FMN1: variants seen among roughly 807,000 people sequenced by gnomAD.
FMN1 encodes formin 1, also known as formin-1.
A neutral mutation model predicts 132.4 loss-of-function variants in FMN1; 110 were observed. That is an observed-to-expected ratio of 0.83 (90% confidence interval 0.71 to 0.97). FMN1 has a LOEUF of 0.97. Ranked by LOEUF, FMN1 falls within the 50% of genes least tolerant of loss-of-function variation. The pLI is 0.00. For missense variants in FMN1, 1,792 were observed against 1,705.3 expected (o/e 1.05, Z -0.90); for synonymous variants, 722 against 651.7 (o/e 1.11, Z -1.64).
At chr15:32,993,109 C>T (rs1286411478) in intron 7 of FMN1, among the ~76,000 whole-genome samples, 1 of 152,070 alleles carries the variant, frequency 6.6e-6, no homozygotes, top group Non-Finnish European at 1.5e-5. Flanking sequence ...GCTGCAGTCT[C>T]TTAACACCTG....
chr15:32,846,804 C>T (rs893953538), intron 17 of FMN1, among the ~76,000 whole-genome samples: 4 of 152,152 alleles, frequency 2.6e-5, no homozygotes, highest in African/African-American at 9.7e-5. Context: ...GACTTGGAAC[C>T]AACCCAAATG....
intron 6 of FMN1, among the ~76,000 whole-genome samples, chr15:33,019,635 G>A (rs2035305900): frequency 1.3e-5 from 2 of 152,202 alleles, no homozygotes; most frequent in South Asian, 4.1e-4. Context: ...CAAGGAGGCA[G>A]CTAAGCCCCG....
At chr15:33,176,751 G>T (rs1965529077) in intron 3 of FMN1, among the ~76,000 whole-genome samples, 1 of 152,124 alleles carries the variant, frequency 6.6e-6, no homozygotes, top group Admixed American at 6.5e-5. Flanking sequence ...GCCTTCACAG[G>T]AAGATTATCA....
intron 6 of FMN1, among the ~76,000 whole-genome samples, chr15:33,017,384 G>A (rs1344122313): frequency 6.6e-6 from 1 of 150,564 alleles, no homozygotes; most frequent in Admixed American, 6.7e-5. Context: ...AATACTAAGG[G>A]AAAGTGTGGT....
rs1342173768 is a variant in FMN1 at position 32,765,840 on chromosome 15, A to G, written c.*8470T>C. 1 of 152,184 alleles carries G rather than the reference A, an allele frequency of 6.6e-6. No individual in the cohort carries two copies. The highest frequency in any genetic ancestry group is 2.4e-5 in the African/African-American group (1 of 41,446). The allele number at this position is 152,184 out of a possible 1,614,324, so 9.4% of individuals were successfully genotyped here. A position where few individuals can be genotyped will look rare whatever the true frequency, so the allele number is the denominator to read the frequency against. On this transcript the variant is annotated 3_prime_UTR_variant, in exon 21 of 21. Coordinates refer to ENST00000616417, the MANE Select transcript of FMN1 (RefSeq NM_001277313.2). ...CACACATTTTTATTATGTACAAATCAGTGTTGGTTCCTTCACTCTCTTTTT... is the reference window on the plus strand; with the variant it reads ...CACACATTTTTATTATGTACAAATCGGTGTTGGTTCCTTCACTCTCTTTTT...
chr15:32,901,787 A>T, intron 13 of FMN1, 124 bp downstream of exon 13: 1 of 681,636 alleles, frequency 1.5e-6, no homozygotes, highest in South Asian at 3.8e-5. Flanking sequence ...CATCAAATTT[A>T]CACTTAGAAA....
chr15:32,947,827 A>G (rs925306388), intron 9 of FMN1, among the ~76,000 whole-genome samples: 3 of 152,062 alleles, frequency 2.0e-5, no homozygotes, highest in South Asian at 2.1e-4. Flanking sequence ...TACTGATCTC[A>G]TATCTACTAG....
At chr15:33,066,736 A>T (rs1450884211) in intron 5 of FMN1, 1 of 1,613,918 alleles carries the variant, frequency 6.2e-7, no homozygotes, top group African/African-American at 1.3e-5. Context: ...GTGGTACTCC[A>T]GGGCCGCTCT....
Position 33,066,908 on chromosome 15 carries a change from A to G in FMN1, c.2044-1834T>C, listed in dbSNP as rs2037757472. The stretch of plus-strand genomic sequence containing the variant: ...ATCAGTTGCTTTCTTCTCACTCTTC[A>G]CTGTCTGCAGCCCTGCCTGCACTAA... On this transcript the variant is annotated intron_variant, in intron 5 of 20. Transcript: ENST00000616417. 6 of 1,613,726 alleles carry G rather than the reference A, an allele frequency of 3.7e-6. No individual in the cohort carries two copies. Among genetic ancestry groups the G allele is most frequent in the Non-Finnish European group, 5.1e-6 (6 of 1,179,852 alleles).
chr15:33,048,325 G>A (rs1006257500), intron 6 of FMN1, among the ~76,000 whole-genome samples: 27 of 152,016 alleles, frequency 1.8e-4, no homozygotes, highest in Admixed American at 9.2e-4. Flanking sequence ...AAAGAAATGA[G>A]ATTATATATA....
chr15:32,829,571 C>T (rs2058453315), intron 17 of FMN1, among the ~76,000 whole-genome samples: 1 of 152,162 alleles, frequency 6.6e-6, no homozygotes, highest in African/African-American at 2.4e-5. Context: ...GGCCAGTTTC[C>T]TAAAATTGGT....
Position 33,085,612 on chromosome 15 carries a change from C to T in FMN1, c.2043+3187G>A, listed in dbSNP as rs547185291. On this transcript the variant is annotated intron_variant, in intron 5 of 20. Coordinates refer to ENST00000616417, the MANE Select transcript of FMN1 (RefSeq NM_001277313.2). ...ATATGTAATATATAAATATATAAAGCCCATAAAAGGCTAGTTCAGGAAATA... is the reference window on the plus strand; with the variant it reads ...ATATGTAATATATAAATATATAAAGTCCATAAAAGGCTAGTTCAGGAAATA... Among the ~76,000 whole-genome samples the T allele has an allele frequency of 8.0e-5, 12 of 149,352 alleles. 1 individual carries two copies. The South Asian group carries it at 2.3e-3, about 29-fold the overall frequency.
intron 9 of FMN1, among the ~76,000 whole-genome samples, chr15:32,951,947 C>T (rs1034179021): frequency 3.3e-5 from 5 of 152,198 alleles, no homozygotes; most frequent in Non-Finnish European, 7.3e-5. Context: ...AACTGGAGCT[C>T]AGCCCTCTGC....
intron 8 of FMN1, among the ~76,000 whole-genome samples, chr15:32,964,666 T>G (rs542507862): frequency 6.6e-6 from 1 of 152,236 alleles, no homozygotes; most frequent in Non-Finnish European, 1.5e-5. Context: ...AGGCTAATTC[T>G]GAAGGAGACT....
intron 6 of FMN1, among the ~76,000 whole-genome samples, chr15:33,057,623 C>T (rs1046815246): frequency 1.3e-5 from 2 of 152,176 alleles, no homozygotes; most frequent in African/African-American, 4.8e-5. Context: ...CCATGAACCC[C>T]TGCAGTAAAA....
chr15:32,883,542 A>AAAG (rs2059822161), intron 16 of FMN1, among the ~76,000 whole-genome samples: 1 of 133,394 alleles, frequency 7.5e-6, no homozygotes, highest in Admixed American at 7.5e-5. Context: ...AAAAAAAAAA[A>AAAG]GAATGAGATC....
At chr15:33,012,743 T>A in intron 6 of FMN1, 1 of 745,336 alleles carries the variant, frequency 1.3e-6, no homozygotes, top group Non-Finnish European at 2.5e-6. Context: ...GGAGGTGGTT[T>A]TGGTGGGAAC....
At position 32,768,800 on chromosome 15, in the gene FMN1, T is replaced by C. The variant is rs1227523730; in HGVS notation, c.*5510A>G. On this transcript the variant is annotated 3_prime_UTR_variant, in exon 21 of 21. Transcript: ENST00000616417. ...AAGAGAAGATTTAAAAATAGAAAATTACATAAGCGTAGAGGGAATGTAGAA... is the reference window on the plus strand; with the variant it reads ...AAGAGAAGATTTAAAAATAGAAAATCACATAAGCGTAGAGGGAATGTAGAA... The C allele has an allele frequency of 6.6e-6, 1 of 152,196 alleles. No homozygotes were observed. The highest frequency in any genetic ancestry group is 2.4e-5 in the African/African-American group (1 of 41,450). The allele number at this position is 152,196 out of a possible 1,614,324, so 9.4% of individuals were successfully genotyped here.
chr15:32,790,376 C>G (rs559914770), intron 19 of FMN1, among the ~76,000 whole-genome samples: 19 of 152,300 alleles, frequency 1.2e-4, no homozygotes, highest in Admixed American at 9.2e-4. Context: ...AGGAAGGTGT[C>G]AATCTCTGAT....
Sources: allele counts gnomAD v4.1 joint callset (sites outside exome capture counted in the v4.1 genomes callset), GRCh38; gene constraint gnomAD v4.1.1; transcripts MANE v1.5; gene names NCBI Gene and HGNC (gene_info 2026-07-23, HGNC 2026-07-21).